SLC4A5: variants seen among roughly 807,000 people sequenced by gnomAD.
The protein encoded by SLC4A5 is electrogenic sodium bicarbonate cotransporter 4.
SLC4A5 carries 96 observed loss-of-function variants against 120.4 expected under a neutral mutation model. The ratio of observed to expected loss-of-function variants is 0.80; its 90% CI spans 0.68 to 0.94. The LOEUF is 0.94. SLC4A5 is among the 40% of genes least tolerant of loss of function. The probability of loss-of-function intolerance (pLI) is 0.00; values close to 1 mark genes in which losing one functional copy is unlikely to be tolerated. For missense variants in SLC4A5, 1,259 were observed against 1,459.5 expected, an observed-to-expected ratio of 0.86 and a Z score of 2.24; for synonymous variants, 550 against 571.1, an observed-to-expected ratio of 0.96 and a Z score of 0.53.
intron 11 of SLC4A5, among the ~76,000 whole-genome samples, chr2:74,260,461 A>C (rs1671100105): frequency 6.6e-6 from 1 of 152,152 alleles, no homozygotes; most frequent in Non-Finnish European, 1.5e-5. Flanking sequence ...GAGGATGCCC[A>C]GGATGGATCT....
exon 31 of SLC4A5, chr2:74,216,675 T>G (rs1261329482): frequency 6.6e-6 from 1 of 152,156 alleles, no homozygotes; most frequent in East Asian, 1.9e-4. Flanking sequence ...GTGGCATGAT[T>G]ATAGCTCACT....
intron 16 of SLC4A5, among the ~76,000 whole-genome samples, chr2:74,251,582 G>A (rs1181561396): frequency 6.6e-6 from 1 of 152,210 alleles, no homozygotes; most frequent in Admixed American, 6.5e-5. Context: ...TAACACCTAT[G>A]CAAATGTAAT....
rs147423956 is a variant in SLC4A5 at position 74,227,855 on chromosome 2, G to A, written c.2871C>T (p.Tyr957=). ...CCACGCCCATGTAGAGGAAGACTCC[G>A]TACAGCACCGGCAGGGGGATACACT... Residue 957 remains tyrosine, a synonymous_variant, in exon 26 of 31, where the codon TAC becomes TAT. Transcript: ENST00000394019. 2.0e-4 allele frequency: 322 copies of A among 1,610,784 alleles called. No individual in the cohort carries two copies. The African/African-American group carries it at 3.4e-3, about 17-fold the overall frequency.
At chr2:74,257,142 G>A (rs967517433) in intron 12 of SLC4A5, among the ~76,000 whole-genome samples, 9 of 151,980 alleles carry the variant, frequency 5.9e-5, no homozygotes, top group African/African-American at 1.5e-4. Context: ...TTCCCAATTC[G>A]ACTCATGTGG....
chr2:74,311,339 C>T (rs116344137), intron 6 of SLC4A5, among the ~76,000 whole-genome samples: 159 of 151,980 alleles, frequency 1.0e-3, no homozygotes, highest in Non-Finnish European at 1.8e-3. Context: ...TTTCTTCTTG[C>T]TTTAGGATTA....
chr2:74,306,813 A>G, intron 6 of SLC4A5: 1 of 692,604 alleles, frequency 1.4e-6, no homozygotes, highest in Non-Finnish European at 2.5e-6. Flanking sequence ...GATGATTTGC[A>G]TGGAGTTGCT....
intron 7 of SLC4A5, among the ~76,000 whole-genome samples, chr2:74,288,892 C>T (rs777458440): frequency 6.6e-6 from 1 of 152,208 alleles, no homozygotes; most frequent in African/African-American, 2.4e-5. Flanking sequence ...AGCCACCTAC[C>T]CATCTAGACA....
At chr2:74,282,684 G>C (rs1165353011) in intron 8 of SLC4A5, among the ~76,000 whole-genome samples, 1 of 152,236 alleles carries the variant, frequency 6.6e-6, no homozygotes, top group Non-Finnish European at 1.5e-5. Flanking sequence ...GTTTGCCTTT[G>C]GTGATAGTCA....
intron 12 of SLC4A5, among the ~76,000 whole-genome samples, chr2:74,258,362 C>T (rs1036640169): frequency 1.3e-5 from 2 of 152,198 alleles, no homozygotes; most frequent in African/African-American, 4.8e-5. Context: ...TGATGGGTTC[C>T]AATCCCCAAA....
chr2:74,313,207 A>G (rs1672862995), intron 6 of SLC4A5, among the ~76,000 whole-genome samples: 1 of 151,986 alleles, frequency 6.6e-6, no homozygotes, highest in Non-Finnish European at 1.5e-5. Context: ...TTAACTGAGC[A>G]CTTTATATGA....
intron 18 of SLC4A5, 24 bp from the exon 19 acceptor site, chr2:74,247,331 G>A (rs1375982489): frequency 1.2e-6 from 2 of 1,601,460 alleles, no homozygotes; most frequent in African/African-American, 1.3e-5. Context: ...GGGAGGTGAG[G>A]GGCCTCCAGC....
chr2:74,341,877 C>T (rs74523491), intron 2 of SLC4A5, among the ~76,000 whole-genome samples: 45 of 152,246 alleles, frequency 3.0e-4, no homozygotes, highest in African/African-American at 9.9e-4. Context: ...AGGGGGACTC[C>T]GCCCAACCCA....
At chr2:74,307,002 T>G (rs756713223) in intron 6 of SLC4A5, 50 of 593,164 alleles carry the variant, frequency 8.4e-5, no homozygotes, top group Non-Finnish European at 1.1e-4. Flanking sequence ...CAGGATCCCA[T>G]TGAGCTGCTC....
At chr2:74,302,352 C>T (rs1468316396) in intron 7 of SLC4A5, among the ~76,000 whole-genome samples, 5 of 152,326 alleles carry the variant, frequency 3.3e-5, no homozygotes, top group Middle Eastern at 6.8e-3. Flanking sequence ...CGTGGTGGCT[C>T]ATGCCTGTAA....
At chr2:74,313,179 C>T (rs1169624063) in intron 6 of SLC4A5, among the ~76,000 whole-genome samples, 1 of 151,862 alleles carries the variant, frequency 6.6e-6, no homozygotes, top group Non-Finnish European at 1.5e-5. Flanking sequence ...GCCACTATGC[C>T]CAGCTCCTCC....
chr2:74,331,605 G>A (rs1673368322), intron 4 of SLC4A5, among the ~76,000 whole-genome samples: 1 of 151,930 alleles, frequency 6.6e-6, no homozygotes, highest in Non-Finnish European at 1.5e-5. Flanking sequence ...TTCTTTCAGA[G>A]CCATGGTACC....
intron 21 of SLC4A5, among the ~76,000 whole-genome samples, chr2:74,238,622 G>C (rs1670342679): frequency 6.6e-6 from 1 of 152,120 alleles, no homozygotes; most frequent in Non-Finnish European, 1.5e-5. Flanking sequence ...AGAAAGAATA[G>C]TCTTTAAAAA....
At chr2:74,290,118 C>T in intron 7 of SLC4A5, 1 of 984,410 alleles carries the variant, frequency 1.0e-6, no homozygotes, top group Non-Finnish European at 1.2e-6. Flanking sequence ...CTGTGCCTGC[C>T]ATTCCCTAAG....
At chr2:74,309,642 C>A (rs1000758932) in intron 6 of SLC4A5, among the ~76,000 whole-genome samples, 3 of 151,720 alleles carry the variant, frequency 2.0e-5, no homozygotes, top group East Asian at 1.9e-4. Flanking sequence ...AATTTTCCTA[C>A]GCATGAACAT....
Sources: allele counts gnomAD v4.1 joint callset (sites outside exome capture counted in the v4.1 genomes callset), GRCh38; gene constraint gnomAD v4.1.1; transcripts MANE v1.5; gene names NCBI Gene and HGNC (gene_info 2026-07-23, HGNC 2026-07-21).